AMOTL1: variants seen among roughly 807,000 people sequenced by gnomAD.
AMOTL1 encodes angiomotin like 1.
A neutral mutation model predicts 102.9 loss-of-function variants in AMOTL1; 45 were observed. The ratio of observed to expected loss-of-function variants is 0.44; its 90% CI spans 0.34 to 0.56. The LOEUF is 0.56. Among genes scored for constraint, AMOTL1 ranks in the 20% least tolerant of loss-of-function variants. The pLI is 0.01. For synonymous variants in AMOTL1, 481 were observed against 484.7 expected (o/e 0.99, Z 0.10); for missense variants, 1,114 against 1,225.6 (o/e 0.91, Z 1.36).
chr11:94,741,068 A>G, intron 3 of AMOTL1: 2 of 1,153,026 alleles, frequency 1.7e-6, no homozygotes, highest in Non-Finnish European at 2.3e-6. Context: ...GTCCATAGGA[A>G]CTCAGCTAGG....
chr11:94,832,863 G>A (rs1031966007), intron 6 of AMOTL1, among the ~76,000 whole-genome samples: 2 of 152,222 alleles, frequency 1.3e-5, no homozygotes, highest in African/African-American at 4.8e-5. Context: ...TTGCCTTCTT[G>A]TCAAGGGACA....
In AMOTL1 at chr11:94,830,196, C is replaced by A; in HGVS notation, c.1558+2C>A. 1 of 1,594,848 alleles carries A rather than the reference C, an allele frequency of 6.3e-7. No individual in the cohort carries two copies. The highest frequency in any genetic ancestry group is 8.5e-7 in the Non-Finnish European group (1 of 1,172,964). On this transcript the variant is annotated splice_donor_variant, in intron 5 of 12. Coordinates refer to ENST00000433060, the MANE Select transcript of AMOTL1 (RefSeq NM_130847.3). LOFTEE classifies it high-confidence loss of function. ...ATGATTTCAACAGAGACCTCCGAGG[C>A]AGGTTTATTCATGTTCTCTCTATCT... is the stretch of plus-strand genomic sequence containing the variant.
exon 2 of AMOTL1, chr11:94,728,942 G>A: frequency 3.1e-6 from 4 of 1,278,194 alleles, no homozygotes; most frequent in Non-Finnish European, 4.1e-6. Flanking sequence ...CATTTGATCT[G>A]AAAGCTATAC....
chr11:94,821,765 C>G lies in AMOTL1; in HGVS notation c.1357C>G (p.Arg453Gly). ...QMVEILTEEN[R>G]VLHQELQGYY... ...GGTGGAGATATTAACAGAGGAGAAC[C>G]GGGTGCTTCACCAGGAACTTCAGGG... Residue 453 changes from arginine (R) to glycine (G), a missense_variant, in exon 4 of 13, where the codon CGG (arginine) becomes GGG (glycine). Transcript: ENST00000433060. 1.2e-6 allele frequency: 2 copies of G among 1,613,986 alleles called. No individual in the cohort carries two copies. The highest frequency in any genetic ancestry group is 1.7e-6 in the Non-Finnish European group (2 of 1,179,904).
chr11:94,714,533 G>A (rs1223315310), intron 1 of AMOTL1, among the ~76,000 whole-genome samples: 1 of 152,052 alleles, frequency 6.6e-6, no homozygotes, highest in Non-Finnish European at 1.5e-5. Flanking sequence ...GGAGAGATTT[G>A]TAATTATAAA....
chr11:94,751,477 C>A (rs1182606608), intron 3 of AMOTL1, among the ~76,000 whole-genome samples: 1 of 151,962 alleles, frequency 6.6e-6, no homozygotes, highest in Admixed American at 6.6e-5. Context: ...TGGGGCGAGG[C>A]GGTAGAAGCC....
Position 94,717,375 on chromosome 11 carries a change from C to T in AMOTL1, c.-51+10778C>T, listed in dbSNP as rs149011254. On this transcript the variant is annotated intron_variant, in intron 1 of 4. Coordinates refer to the AMOTL1 transcript ENST00000299004. ...GTCTAGTCATACTAGATAATTAAAG[C>T]ATGTCAGAAAATATAATTATTAAAG... Among the ~76,000 whole-genome samples the T allele has an allele frequency of 1.3e-3, 189 of 147,784 alleles. 1 individual carries two copies. Among genetic ancestry groups the T allele is most frequent in the African/African-American group, 4.4e-3 (177 of 39,890 alleles).
chr11:94,748,642 A>G (rs1001063761), intron 3 of AMOTL1, among the ~76,000 whole-genome samples: 2 of 152,210 alleles, frequency 1.3e-5, no homozygotes, highest in Non-Finnish European at 2.9e-5. Context: ...GACCATAGAC[A>G]AGTTACTTAA....
chr11:94,779,860 TAAA>T (rs56257505), intron 1 of AMOTL1, among the ~76,000 whole-genome samples: 3 of 151,882 alleles, frequency 2.0e-5, no homozygotes, highest in Non-Finnish European at 4.4e-5. Flanking sequence ...TTGGCCTTTT[TAAA>T]AAAAAAAATT....
chr11:94,840,342 C>T (rs1376704655), intron 6 of AMOTL1, among the ~76,000 whole-genome samples: 6 of 151,886 alleles, frequency 4.0e-5, no homozygotes, highest in East Asian at 1.9e-4. Flanking sequence ...AAAATTTGGT[C>T]GTAGACCATT....
intron 1 of AMOTL1, among the ~76,000 whole-genome samples, chr11:94,723,225 C>A (rs903088193): frequency 9.2e-5 from 14 of 152,044 alleles, no homozygotes; most frequent in African/African-American, 3.4e-4. Context: ...CCTGAGGAGA[C>A]AACTTCTAAT....
At chr11:94,810,107 G>A (rs944546300) in intron 3 of AMOTL1, among the ~76,000 whole-genome samples, 3 of 152,108 alleles carry the variant, frequency 2.0e-5, no homozygotes, top group Admixed American at 1.3e-4. Flanking sequence ...ATATTAAAGG[G>A]CCAACTCTTG....
chr11:94,818,573 T>C (rs1286854469), intron 3 of AMOTL1, among the ~76,000 whole-genome samples: 2 of 152,184 alleles, frequency 1.3e-5, no homozygotes, highest in Non-Finnish European at 2.9e-5. Flanking sequence ...AAATTTGTCT[T>C]GTGATTTGTC....
intron 6 of AMOTL1, among the ~76,000 whole-genome samples, chr11:94,841,306 G>T (rs769601784): frequency 6.6e-6 from 1 of 152,086 alleles, no homozygotes; most frequent in Admixed American, 6.5e-5. Context: ...ACAAAAATTA[G>T]CTGGGCGTGG....
intron 2 of AMOTL1, among the ~76,000 whole-genome samples, chr11:94,732,097 AC>A (rs1178367493): frequency 6.6e-6 from 1 of 151,904 alleles, no homozygotes; most frequent in Non-Finnish European, 1.5e-5. Context: ...ACCTCTCCCC[AC>A]CACTGGCTAG....
chr11:94,744,280 T>C (rs1175020526), intron 3 of AMOTL1, among the ~76,000 whole-genome samples: 1 of 152,214 alleles, frequency 6.6e-6, no homozygotes, highest in African/African-American at 2.4e-5. Context: ...ACTATGCTTA[T>C]GTTTACCAGG....
At position 94,823,719 on chromosome 11, in the gene AMOTL1, C is replaced by CTT. The variant is rs56265520; in HGVS notation, c.1413+1912_1413+1913dup. On this transcript the variant is annotated intron_variant, in intron 4 of 12. Transcript: ENST00000433060. ...TTCATTGCCTTTTTATTAACATGTA[C>CTT]TTTTTTTTTTTTTTTAAGATGGAGT... Among the ~76,000 whole-genome samples, 102 of 141,718 alleles carry CTT rather than the reference C, an allele frequency of 7.2e-4. No homozygotes were observed. In the East Asian group the frequency reaches 8.7e-3, roughly 12 times the overall value. The allele number at this position is 141,718 out of a possible 152,430, so 93.0% of individuals were successfully genotyped here.
chr11:94,865,860 C>A, intron 10 of AMOTL1, 82 bp from the exon 11 acceptor site: 1 of 1,236,178 alleles, frequency 8.1e-7, no homozygotes, highest in Non-Finnish European at 1.2e-6. Context: ...CAATTAAAGT[C>A]TTTGGGACAG....
At chr11:94,801,857 A>T (rs1183963045) in intron 3 of AMOTL1, among the ~76,000 whole-genome samples, 1 of 152,206 alleles carries the variant, frequency 6.6e-6, no homozygotes. Context: ...AACAGAAAAG[A>T]CATGTGGCCA....
Sources: allele counts gnomAD v4.1 joint callset (sites outside exome capture counted in the v4.1 genomes callset), GRCh38; gene constraint gnomAD v4.1.1; transcripts MANE v1.5; gene names NCBI Gene and HGNC (gene_info 2026-07-23, HGNC 2026-07-21).